SPAG7: variants seen among roughly 807,000 people sequenced by gnomAD.
SPAG7 encodes sperm-associated antigen 7.
In SPAG7, 20 loss-of-function variants were observed where a neutral mutation model predicts 30.6. The observed-to-expected ratio is 0.65, with a 90% CI of 0.46 to 0.95. SPAG7 has a LOEUF of 0.95. Among genes scored for constraint, SPAG7 ranks in the 40% least tolerant of loss-of-function variants. The pLI, the probability that SPAG7 is intolerant of heterozygous loss-of-function variation, is 0.00. For missense variants in SPAG7, 276 were observed against 291.1 expected (o/e 0.95, Z 0.38); for synonymous variants, 127 against 104.2 (o/e 1.22, Z -1.33).
In SPAG7 at chr17:4,959,843, T is replaced by C; in HGVS notation, c.491A>G (p.Lys164Arg). 6.2e-7 allele frequency: 1 copy of C among 1,614,102 alleles called. No homozygotes were observed. Among genetic ancestry groups the C allele is most frequent in the Non-Finnish European group, 8.5e-7 (1 of 1,180,028 alleles). ...GCCGATGAGGTGGCTGTACTTGTCCTTGTAGTCGCTGGCAGGGCTCACCAC... is the reference window on the plus strand; with the variant it reads ...GCCGATGAGGTGGCTGTACTTGTCCCTGTAGTCGCTGGCAGGGCTCACCAC... ...PVVVSPASDY[K>R]DKYSHLIGKG... The change falls in exon 6 of 7, where the codon AAG becomes AGG. Residue 164 changes from lysine (K) to arginine (R), a missense_variant. Lys to Arg is a conservative substitution (Grantham distance 26). Coordinates refer to ENST00000206020, the MANE Select transcript of SPAG7 (RefSeq NM_004890.3).
At chr17:4,965,362 T>A (rs1971932367) in intron 1 of SPAG7, among the ~76,000 whole-genome samples, 1 of 152,120 alleles carries the variant, frequency 6.6e-6, no homozygotes, top group Non-Finnish European at 1.5e-5. Flanking sequence ...AATAACTCCA[T>A]GCCTTTGCAC....
chr17:4,964,685 CCTT>C (rs1328863349), intron 1 of SPAG7, among the ~76,000 whole-genome samples: 2 of 151,872 alleles, frequency 1.3e-5, no homozygotes, highest in African/African-American at 4.8e-5. Context: ...TTTAAGGCCT[CCTT>C]CTTCCCCAGG....
intron 1 of SPAG7, among the ~76,000 whole-genome samples, chr17:4,967,400 G>A (rs904378915): frequency 1.3e-5 from 2 of 152,198 alleles, no homozygotes; most frequent in Non-Finnish European, 2.9e-5. Context: ...AGCGGGGCAG[G>A]AATGCGGCAG....
At chr17:4,959,948 G>A in intron 5 of SPAG7, 32 bp from the exon 6 acceptor site, 2 of 1,612,864 alleles carry the variant, frequency 1.2e-6, no homozygotes, top group African/African-American at 1.3e-5. Flanking sequence ...CTGGTGCTCA[G>A]GGCCCCAGCC....
At chr17:4,960,680 C>A in intron 2 of SPAG7, 106 bp downstream of exon 2, 1 of 1,389,658 alleles carries the variant, frequency 7.2e-7, no homozygotes, top group South Asian at 1.2e-5. Context: ...TTCCATGCGT[C>A]ACCTCTCTCA....
intron 1 of SPAG7, 51 bp downstream of exon 1, chr17:4,967,669 T>C (rs1452239096): frequency 2.2e-6 from 3 of 1,383,400 alleles, no homozygotes; most frequent in African/African-American, 1.4e-5. Flanking sequence ...GGGAGAAGTA[T>C]GGTCCCGAGA....
chr17:4,967,661 G>T, intron 1 of SPAG7, 59 bp downstream of exon 1: 1 of 1,315,598 alleles, frequency 7.6e-7, no homozygotes, highest in Non-Finnish European at 1.1e-6. Flanking sequence ...TCCAAAGAGG[G>T]AGAAGTATGG....
intron 1 of SPAG7, chr17:4,966,947 G>C (rs1242856250): frequency 1.0e-6 from 1 of 985,412 alleles, no homozygotes; most frequent in Non-Finnish European, 1.2e-6. Context: ...CGTTCCGCCA[G>C]TATCATCCCA....
chr17:4,959,784 G>A lies in SPAG7; in HGVS notation c.550C>T (p.Gln184Ter), dbSNP rs767823549. Residue 184 changes from glutamine (Q) to a stop codon, truncating the protein, a stop_gained, in exon 6 of 7, where the codon CAG becomes TAG. Transcript: ENST00000206020. LOFTEE classifies it high-confidence loss of function. ...CCACAGCCGTAGGTCTTATTGGCCT[G>A]TAGCATGTGGGCTGCGTCTTTGGCT... is the stretch of plus-strand genomic sequence containing the variant. ...GAAKDAAHML[Q>*]ANKTYGCVPV... is the part of the protein sequence containing the mutation. The A allele has an allele frequency of 6.2e-7, 1 of 1,614,168 alleles. No homozygotes were observed. Among genetic ancestry groups the A allele is most frequent in the South Asian group, 1.1e-5 (1 of 91,090 alleles).
intron 1 of SPAG7, among the ~76,000 whole-genome samples, chr17:4,961,946 G>A (rs1302242557): frequency 6.6e-6 from 1 of 152,076 alleles, no homozygotes; most frequent in Non-Finnish European, 1.5e-5. Context: ...GGATAAGGGA[G>A]AAGTAGGGAC....
rs890221537 is a variant in SPAG7 at position 4,960,794 on chromosome 17, G to A, written c.145C>T (p.Arg49Cys). 4 of 1,613,964 alleles carry A rather than the reference G, an allele frequency of 2.5e-6. No homozygotes were observed. Among genetic ancestry groups the A allele is most frequent in the East Asian group, 2.2e-5 (1 of 44,878 alleles). Residue 49 changes from arginine to cysteine, a missense_variant, in exon 2 of 7, where the codon CGT becomes TGT. By Grantham distance (180) the Arg-to-Cys change is radical. Transcript: ENST00000206020. ...ACTCCAGTTGTTCTCACCCTTTTACGAAACTCCACTTTCTGTTGTTTCTCT... is the reference window on the plus strand; with the variant it reads ...ACTCCAGTTGTTCTCACCCTTTTACAAAACTCCACTTTCTGTTGTTTCTCT... The part of the protein sequence containing the change: ...EQEKQQKVEF[R>C]KRMEKEVSDF...
intron 1 of SPAG7, among the ~76,000 whole-genome samples, chr17:4,962,783 C>T (rs1048944366): frequency 2.0e-5 from 3 of 151,706 alleles, no homozygotes; most frequent in African/African-American, 4.8e-5. Context: ...CTCCTGACCT[C>T]GTGATCCGCC....
At chr17:4,964,860 C>T (rs551891689) in intron 1 of SPAG7, among the ~76,000 whole-genome samples, 2 of 152,074 alleles carry the variant, frequency 1.3e-5, no homozygotes, top group Admixed American at 6.6e-5. Context: ...CTCAGCCTCC[C>T]GAGTAGCTGG....
intron 1 of SPAG7, chr17:4,967,179 G>T: frequency 1.0e-6 from 1 of 986,928 alleles, no homozygotes; most frequent in Non-Finnish European, 1.2e-6. Context: ...AAAGGTTGTC[G>T]GAGGGAGGCA....
chr17:4,960,844 G>A lies in SPAG7; in HGVS notation c.95C>T (p.Ala32Val), dbSNP rs924211019. ...ETRRKAREQA[A>V]RLKKLQEQEK... ...TTGCTCTTGTAGTTTCTTCAGGCGG[G>A]CGGCCTGTTCTGGGGGTGAGAAATG... The change falls in exon 2 of 7, where the codon GCC (alanine) becomes GTC (valine). Residue 32 changes from alanine (A) to valine (V), a missense_variant. Physicochemically the swap from Ala to Val is moderately conservative, Grantham distance 64. Coordinates refer to ENST00000206020, the MANE Select transcript of SPAG7 (RefSeq NM_004890.3). The A allele has an allele frequency of 1.2e-6, 2 of 1,614,062 alleles. No individual in the cohort carries two copies. The highest frequency in any genetic ancestry group is 1.7e-6 in the Non-Finnish European group (2 of 1,180,022).
At chr17:4,965,732 C>T (rs1256248252) in intron 1 of SPAG7, 3 of 152,222 alleles carry the variant, frequency 2.0e-5, no homozygotes, top group Non-Finnish European at 4.4e-5. Flanking sequence ...AATCACCTCT[C>T]ACTGCAGCTT....
Position 4,960,072 on chromosome 17 carries a change from G to C in SPAG7, c.367C>G (p.Arg123Gly). 6.2e-7 allele frequency: 1 copy of C among 1,614,152 alleles called. No homozygotes were observed. The highest frequency in any genetic ancestry group is 8.5e-7 in the Non-Finnish European group (1 of 1,179,994). Residue 123 changes from arginine (R) to glycine (G), a missense_variant, in exon 5 of 7, where the codon CGT becomes GGT. Coordinates refer to ENST00000206020, the MANE Select transcript of SPAG7 (RefSeq NM_004890.3). ...TTCTGGGGGTCCCATTCCTCTCCAC[G>C]ACGGTAAGAGTCTAGCTCTTCATCT... ...PSDEELDSYR[R>G]GEEWDPQKAE... is the part of the protein sequence containing the mutation.
At chr17:4,963,682 C>T (rs1971902197) in intron 1 of SPAG7, among the ~76,000 whole-genome samples, 1 of 152,096 alleles carries the variant, frequency 6.6e-6, no homozygotes, top group Non-Finnish European at 1.5e-5. Context: ...TGGTCTCGAA[C>T]TCCTGACCTT....
At chr17:4,966,790 A>G (rs1159149186) in intron 1 of SPAG7, 2 of 985,374 alleles carry the variant, frequency 2.0e-6, no homozygotes, top group Non-Finnish European at 2.4e-6. Flanking sequence ...CGGTTGTTCA[A>G]GAAACAAGGG....
Sources: allele counts gnomAD v4.1 joint callset (sites outside exome capture counted in the v4.1 genomes callset), GRCh38; gene constraint gnomAD v4.1.1; transcripts MANE v1.5; gene names NCBI Gene and HGNC (gene_info 2026-07-23, HGNC 2026-07-21).